The following FARS2 variants were observed in gnomAD, a reference collection of about 807,000 sequenced individuals.
FARS2 encodes the protein phenylalanine--tRNA ligase, mitochondrial.
In FARS2, 40 loss-of-function variants were observed where a neutral mutation model predicts 46.4. The observed-to-expected ratio is 0.86, with a 90% confidence interval of 0.67 to 1.12. The LOEUF is 1.12. FARS2 is among the 50% of genes most tolerant of loss of function. FARS2 has a pLI of 0.00. For missense variants in FARS2, 513 were observed against 567.9 expected (o/e 0.90, Z 0.98); for synonymous variants, 234 against 214.9 (o/e 1.09, Z -0.78).
intron 1 of FARS2, among the ~76,000 whole-genome samples, chr6:5,339,207 C>G (rs899655792): frequency 6.6e-6 from 1 of 152,192 alleles, no homozygotes; most frequent in Non-Finnish European, 1.5e-5. Flanking sequence ...ATATTGTACC[C>G]TAGTGCCAAT....
chr6:5,622,933 T>A (rs1775847451), intron 6 of FARS2, among the ~76,000 whole-genome samples: 1 of 152,226 alleles, frequency 6.6e-6, no homozygotes, highest in Non-Finnish European at 1.5e-5. Flanking sequence ...CTTCCTTCCT[T>A]AGAGGAACTG....
At chr6:5,752,283 G>A (rs796187061) in intron 6 of FARS2, among the ~76,000 whole-genome samples, 4 of 152,304 alleles carry the variant, frequency 2.6e-5, no homozygotes, top group Non-Finnish European at 5.9e-5. Flanking sequence ...TCTAATTGCG[G>A]TCTGTTAGAT....
intron 5 of FARS2, among the ~76,000 whole-genome samples, chr6:5,570,254 A>T (rs1048393295): frequency 6.6e-6 from 1 of 152,262 alleles, no homozygotes; most frequent in African/African-American, 2.4e-5. Context: ...TAGTTGGAAC[A>T]TCTTCCTAAG....
At chr6:5,489,947 G>A (rs1046295332) in intron 4 of FARS2, among the ~76,000 whole-genome samples, 2 of 152,120 alleles carry the variant, frequency 1.3e-5, no homozygotes, top group South Asian at 2.1e-4. Flanking sequence ...TTCATTTCAT[G>A]TGCAATTTGA....
At chr6:5,588,540 C>G (rs1432712859) in intron 5 of FARS2, among the ~76,000 whole-genome samples, 1 of 152,172 alleles carries the variant, frequency 6.6e-6, no homozygotes, top group South Asian at 2.1e-4. Context: ...GCTGCCCTCT[C>G]CCTCCCCTGC....
chr6:5,256,522 A>C (rs1021850873), upstream of FARS2, among the ~76,000 whole-genome samples: 4 of 140,700 alleles, frequency 2.8e-5, no homozygotes, highest in African/African-American at 8.4e-5. Flanking sequence ...AAAAAAAAAA[A>C]AAAAAAAAGA....
chr6:5,585,248 A>G (rs567730456), intron 5 of FARS2, among the ~76,000 whole-genome samples: 11 of 152,326 alleles, frequency 7.2e-5, no homozygotes, highest in African/African-American at 1.9e-4. Context: ...ACCTTGTGTA[A>G]TGATTACTAC....
At chr6:5,320,963 G>A (rs2127563830) in intron 1 of FARS2, among the ~76,000 whole-genome samples, 1 of 152,274 alleles carries the variant, frequency 6.6e-6, no homozygotes, top group South Asian at 2.1e-4. Flanking sequence ...TGAGGGCTCT[G>A]CCATTTAGAC....
intron 6 of FARS2, among the ~76,000 whole-genome samples, chr6:5,752,268 T>C (rs1001954): frequency 2.7e-4 from 41 of 152,198 alleles, no homozygotes; most frequent in African/African-American, 9.9e-4. Flanking sequence ...TTCTGGTGGA[T>C]GTTGTCTAAT....
intron 6 of FARS2, among the ~76,000 whole-genome samples, chr6:5,707,428 C>T (rs1165579274): frequency 2.6e-5 from 4 of 152,152 alleles, no homozygotes; most frequent in Non-Finnish European, 5.9e-5. Flanking sequence ...TAAGGGGAGG[C>T]GTAGACGGTT....
chr6:5,384,347 C>T (rs1759983950), intron 2 of FARS2, among the ~76,000 whole-genome samples: 1 of 152,188 alleles, frequency 6.6e-6, no homozygotes. Flanking sequence ...GCCAGATTTC[C>T]AAAATACCCA....
intron 4 of FARS2, among the ~76,000 whole-genome samples, chr6:5,528,418 CTCT>C (rs1554105245): frequency 6.6e-6 from 1 of 152,126 alleles, no homozygotes; most frequent in Non-Finnish European, 1.5e-5. Context: ...TTAAAGTGAC[CTCT>C]TCTTCTTCTG....
chr6:5,622,189 C>T (rs1486116358), intron 6 of FARS2, among the ~76,000 whole-genome samples: 5 of 152,240 alleles, frequency 3.3e-5, no homozygotes, highest in Admixed American at 1.3e-4. Context: ...CAGCCCTACT[C>T]GCCAGAGCAG....
chr6:5,323,232 G>A (rs1315344741), intron 1 of FARS2, among the ~76,000 whole-genome samples: 1 of 152,044 alleles, frequency 6.6e-6, no homozygotes, highest in East Asian at 1.9e-4. Context: ...ATTTTTCTCT[G>A]ATCTGTAAAA....
At chr6:5,344,573 A>G (rs1326590067) in intron 1 of FARS2, among the ~76,000 whole-genome samples, 1 of 152,166 alleles carries the variant, frequency 6.6e-6, no homozygotes, top group African/African-American at 2.4e-5. Flanking sequence ...TGTGTGTATG[A>G]AAGGACACAT....
intron 6 of FARS2, among the ~76,000 whole-genome samples, chr6:5,730,613 G>A (rs1019794211): frequency 2.6e-5 from 4 of 151,902 alleles, no homozygotes; most frequent in African/African-American, 7.3e-5. Context: ...TAATATGTCC[G>A]AGCCCAGGGC....
At chr6:5,340,803 G>A (rs1402230204) in intron 1 of FARS2, among the ~76,000 whole-genome samples, 2 of 151,936 alleles carry the variant, frequency 1.3e-5, no homozygotes, top group Non-Finnish European at 2.9e-5. Context: ...TGGCTGTTGC[G>A]GGGAGGAGGA....
chr6:5,260,540 G>T, upstream of FARS2: 3 of 1,445,102 alleles, frequency 2.1e-6, no homozygotes, highest in African/African-American at 1.4e-5. Flanking sequence ...CGCAGCCGCC[G>T]GCAAACCACG....
chr6:5,464,785 G>A (rs1765426215), intron 4 of FARS2, among the ~76,000 whole-genome samples: 1 of 151,986 alleles, frequency 6.6e-6, no homozygotes, highest in Non-Finnish European at 1.5e-5. Context: ...CTCTTACAGG[G>A]TTAAAGAAAG....
Sources: gnomAD v4.1 joint callset for allele counts (sites outside exome capture counted in the v4.1 genomes callset) on GRCh38, gnomAD v4.1.1 for gene constraint, MANE v1.5 for transcripts, NCBI Gene and HGNC (gene_info 2026-07-23, HGNC 2026-07-21) for gene names.